Variants in VTA1 observed in about 807,000 individuals in gnomAD.
VTA1 encodes the protein vacuolar protein sorting-associated protein VTA1 homolog.
Under a neutral mutation model 36.9 loss-of-function variants are expected in VTA1, and 24 were observed. The observed-to-expected ratio is 0.65, with a 90% CI of 0.47 to 0.91. VTA1 has a LOEUF of 0.91. Among genes scored for constraint, VTA1 ranks in the 40% least tolerant of loss-of-function variants. The pLI is 0.00. For synonymous variants in VTA1, 142 were observed against 130.2 expected (o/e 1.09, Z -0.62); for missense variants, 393 against 377.2 (o/e 1.04, Z -0.35).
Position 142,170,432 on chromosome 6 carries a change from A to C in VTA1, c.411+11A>C. The C allele has an allele frequency of 6.4e-7, 1 of 1,550,894 alleles. No homozygotes were observed. The highest frequency in any genetic ancestry group is 1.4e-5 in the African/African-American group (1 of 73,192). On this transcript the variant is annotated intron_variant, in intron 4 of 7. Coordinates refer to ENST00000367630, the MANE Select transcript of VTA1 (RefSeq NM_016485.5). ...GAACTCACTGATGAAGTGAGTGTAC[A>C]TTCTTTATTGTCTTATTAGCTGAAG...
intron 4 of VTA1, among the ~76,000 whole-genome samples, chr6:142,173,208 C>T (rs904646646): frequency 5.2e-4 from 79 of 152,054 alleles, no homozygotes; most frequent in Non-Finnish European, 2.4e-4. Flanking sequence ...TTAGACAAAC[C>T]CTTCAGGTAA....
intron 4 of VTA1, among the ~76,000 whole-genome samples, chr6:142,176,667 A>C (rs1310143996): frequency 6.6e-6 from 1 of 152,086 alleles, no homozygotes; most frequent in Non-Finnish European, 1.5e-5. Context: ...TGCAAGTAAT[A>C]AATGAATTAC....
chr6:142,195,242 C>G (rs946381360), intron 5 of VTA1, among the ~76,000 whole-genome samples: 1 of 151,978 alleles, frequency 6.6e-6, no homozygotes, highest in Non-Finnish European at 1.5e-5. Flanking sequence ...GGGTTTTTAA[C>G]CATGAATTCA....
chr6:142,177,965 CAT>C (rs1348033683), intron 4 of VTA1, among the ~76,000 whole-genome samples: 3 of 152,092 alleles, frequency 2.0e-5, no homozygotes, highest in Non-Finnish European at 2.9e-5. Flanking sequence ...GGGAGTCTAA[CAT>C]GTACATTTGG....
At chr6:142,198,709 GAAAA>G in intron 6 of VTA1, 94 bp downstream of exon 6, 1 of 1,218,286 alleles carries the variant, frequency 8.2e-7, no homozygotes, top group Non-Finnish European at 1.1e-6. Context: ...TGATGGTCAT[GAAAA>G]CATGACAAGT....
At chr6:142,162,337 A>C (rs1047695404) in intron 1 of VTA1, among the ~76,000 whole-genome samples, 3 of 152,198 alleles carry the variant, frequency 2.0e-5, no homozygotes, top group Non-Finnish European at 4.4e-5. Flanking sequence ...TCAAGTAGCT[A>C]ACTCTGCTCC....
intron 7 of VTA1, among the ~76,000 whole-genome samples, chr6:142,208,957 A>T (rs560404078): frequency 4.3e-4 from 65 of 152,348 alleles, no homozygotes; most frequent in African/African-American, 1.2e-3. Flanking sequence ...ATCCACTGGT[A>T]GAATTAATAC....
chr6:142,188,228 T>A (rs1287507620), intron 4 of VTA1, among the ~76,000 whole-genome samples: 1 of 90,718 alleles, frequency 1.1e-5, no homozygotes, highest in Non-Finnish European at 2.1e-5. Context: ...TTTATTTCTT[T>A]TTTTTTTTTT....
At chr6:142,212,175 A>G (rs978561239) in intron 7 of VTA1, among the ~76,000 whole-genome samples, 2 of 152,222 alleles carry the variant, frequency 1.3e-5, no homozygotes, top group African/African-American at 4.8e-5. Flanking sequence ...ATTTACCTGA[A>G]TGCTTTTAAA....
chr6:142,209,944 C>T (rs1211781284), intron 7 of VTA1, among the ~76,000 whole-genome samples: 4 of 151,910 alleles, frequency 2.6e-5, no homozygotes, highest in Non-Finnish European at 5.9e-5. Flanking sequence ...TGATAGAAGA[C>T]CCTGAATAGT....
chr6:142,156,588 G>C (rs1034565282), intron 1 of VTA1, among the ~76,000 whole-genome samples: 1 of 152,110 alleles, frequency 6.6e-6, no homozygotes, highest in South Asian at 2.1e-4. Flanking sequence ...TCAGTTTGCC[G>C]TGAGTAAATG....
intron 1 of VTA1, among the ~76,000 whole-genome samples, chr6:142,165,450 G>A (rs749329834): frequency 4.7e-4 from 72 of 152,118 alleles, no homozygotes; most frequent in Non-Finnish European, 8.7e-4. Flanking sequence ...CAAAAACTTC[G>A]TTGCATTTTG....
At chr6:142,167,816 T>G (rs1345276082) in intron 2 of VTA1, among the ~76,000 whole-genome samples, 2 of 152,222 alleles carry the variant, frequency 1.3e-5, no homozygotes, top group Non-Finnish European at 2.9e-5. Context: ...TTGAGTACTC[T>G]CTTTCTAGGG....
rs1478157150 is a variant in VTA1 at position 142,219,926 on chromosome 6, G to A, written c.*1283G>A. The A allele has an allele frequency of 1.3e-5, 2 of 152,132 alleles. No individual in the cohort carries two copies. Among genetic ancestry groups the A allele is most frequent in the Non-Finnish European group, 2.9e-5 (2 of 68,024 alleles). The allele number at this position is 152,132 out of a possible 1,614,324, so 9.4% of individuals were successfully genotyped here. Reference sequence around the variant, plus strand: ...GGTTGCTTTCCACAACTGCAGAGTTGTATGGCTTGCAAGTCTAAAAACATT... The same window carrying A: ...GGTTGCTTTCCACAACTGCAGAGTTATATGGCTTGCAAGTCTAAAAACATT... On this transcript the variant is annotated 3_prime_UTR_variant, in exon 8 of 8. Coordinates refer to ENST00000367630, the MANE Select transcript of VTA1 (RefSeq NM_016485.5).
intron 7 of VTA1, among the ~76,000 whole-genome samples, chr6:142,206,856 A>G (rs1021796691): frequency 6.6e-6 from 1 of 152,214 alleles, no homozygotes; most frequent in South Asian, 2.1e-4. Context: ...ACTCGTTTCA[A>G]TAAATGGTGC....
At chr6:142,158,388 TACTC>T (rs1183360495) in intron 1 of VTA1, among the ~76,000 whole-genome samples, 6 of 152,192 alleles carry the variant, frequency 3.9e-5, no homozygotes, top group Non-Finnish European at 7.3e-5. Flanking sequence ...TTTATTAACA[TACTC>T]AGGATAATAA....
intron 3 of VTA1, 48 bp downstream of exon 3, chr6:142,169,725 A>G (rs1774993362): frequency 2.1e-6 from 3 of 1,440,084 alleles, no homozygotes; most frequent in South Asian, 1.5e-5. Flanking sequence ...TTGTAACTGT[A>G]TAACCAAAAT....
intron 1 of VTA1, among the ~76,000 whole-genome samples, chr6:142,148,495 T>C (rs1335336933): frequency 1.3e-5 from 2 of 152,190 alleles, no homozygotes; most frequent in African/African-American, 4.8e-5. Context: ...ATACTTGTTC[T>C]TCAGTTTCCT....
chr6:142,177,634 A>T (rs1775151346), intron 4 of VTA1, among the ~76,000 whole-genome samples: 2 of 152,144 alleles, frequency 1.3e-5, no homozygotes, highest in South Asian at 4.1e-4. Flanking sequence ...GTTAAAAAAA[A>T]ATATGCTAAA....
Sources: allele counts gnomAD v4.1 joint callset (sites outside exome capture counted in the v4.1 genomes callset), GRCh38; gene constraint gnomAD v4.1.1; transcripts MANE v1.5; gene names NCBI Gene and HGNC (gene_info 2026-07-23, HGNC 2026-07-21).